The following HAT1 variants were observed in gnomAD, a reference collection of about 807,000 sequenced individuals.
HAT1 encodes histone acetyltransferase type B catalytic subunit.
Under a neutral mutation model 56.6 loss-of-function variants are expected in HAT1, and 20 were observed. The observed-to-expected ratio is 0.35, with a 90% CI of 0.25 to 0.51. The LOEUF is 0.51. HAT1 is among the 20% of genes least tolerant of loss of function. The pLI, the probability that HAT1 is intolerant of heterozygous loss-of-function variation, is 0.95. For missense variants in HAT1, 408 were observed against 504.3 expected, an observed-to-expected ratio of 0.81 and a Z score of 1.83; for synonymous variants, 146 against 165.5, an observed-to-expected ratio of 0.88 and a Z score of 0.91.
In HAT1 at chr2:171,960,895, G is replaced by A. The variant is rs1331525308; in HGVS notation, c.310-4443G>A. ...GGTGGCTCAAACCTGTAATCCCAGC[G>A]CTTTGGGAGGCCGAGGTGGACAGGT... On this transcript the variant is annotated intron_variant, in intron 4 of 10. Transcript: ENST00000264108. Among the ~76,000 whole-genome samples the A allele has an allele frequency of 2.6e-5, 4 of 151,678 alleles. No individual in the cohort carries two copies. The South Asian group carries it at 6.2e-4, about 24-fold the overall frequency.
intron 2 of HAT1, 89 bp from the exon 3 acceptor site, chr2:171,946,619 T>G (rs1168673123): frequency 1.3e-6 from 1 of 775,140 alleles, no homozygotes; most frequent in East Asian, 2.5e-5. Flanking sequence ...GTATCCTAGT[T>G]ATACTGAAAC....
chr2:171,943,726 C>CATATATATATATATATAT (rs141557606), intron 2 of HAT1, among the ~76,000 whole-genome samples: 1 of 142,994 alleles, frequency 7.0e-6, no homozygotes, highest in Non-Finnish European at 1.5e-5. Context: ...TATGGACATT[C>CATATATATATATATATAT]ATATATATAT....
chr2:171,983,191 C>A lies in HAT1; in HGVS notation c.1099C>A (p.Gln367Lys). The A allele has an allele frequency of 6.5e-7, 1 of 1,545,700 alleles. No individual in the cohort carries two copies. The highest frequency in any genetic ancestry group is 2.0e-5 in the Admixed American group (1 of 49,190). ...RRLISPYKKKQRDLAKMRKCL... is the reference protein window; with the variant it reads ...RRLISPYKKKKRDLAKMRKCL... ...ATAATTGTTTGTCACTTAGAAAAAG[C>A]AGAGAGATCTTGCTAAGATGAGAAA... Residue 367 changes from glutamine (Q) to lysine (K), a missense_variant, in exon 11 of 11, where the codon CAG (glutamine) becomes AAG (lysine). Coordinates refer to ENST00000264108, the MANE Select transcript of HAT1 (RefSeq NM_003642.4).
At chr2:171,971,424 C>T (rs1025110054) in intron 8 of HAT1, among the ~76,000 whole-genome samples, 14 of 152,198 alleles carry the variant, frequency 9.2e-5, no homozygotes, top group Admixed American at 9.2e-4. Context: ...TCCTTCCCTA[C>T]ACCCGACGTC....
At chr2:171,945,683 T>A (rs777289253) in intron 2 of HAT1, among the ~76,000 whole-genome samples, 5 of 151,802 alleles carry the variant, frequency 3.3e-5, no homozygotes, top group Non-Finnish European at 5.9e-5. Flanking sequence ...TTATTTATTT[T>A]TTTGAGAGAG....
chr2:171,941,022 G>A (rs941151908), intron 2 of HAT1, among the ~76,000 whole-genome samples: 12 of 152,072 alleles, frequency 7.9e-5, no homozygotes, highest in Non-Finnish European at 7.4e-5. Flanking sequence ...GATGGAAGTC[G>A]CAAATAAAAT....
chr2:171,933,440 A>G (rs1385276436), intron 2 of HAT1, among the ~76,000 whole-genome samples: 1 of 151,832 alleles, frequency 6.6e-6, no homozygotes, highest in Admixed American at 6.6e-5. Context: ...TAATACTAGC[A>G]TTAATGTTAT....
chr2:171,974,209 A>AAAAAAAAAAAAAAAAAATAAAAAG (rs1687904649), intron 8 of HAT1, among the ~76,000 whole-genome samples: 1 of 66,014 alleles, frequency 1.5e-5, no homozygotes, highest in Non-Finnish European at 3.3e-5. Context: ...AAGAAAAAGA[A>AAAAAAAAAAAAAAAAAATAAAAAG]AAAAAAAAAA....
In HAT1 at chr2:171,926,176, G is replaced by A. The variant is rs560051638; in HGVS notation, c.112+535G>A. ...TCTATCACCCAGGCTGTAGTGCCAC[G>A]GCATGGTCATAGCTCACTGCTGCCT... On this transcript the variant is annotated intron_variant, in intron 2 of 10. Coordinates refer to ENST00000264108, the MANE Select transcript of HAT1 (RefSeq NM_003642.4). Among the ~76,000 whole-genome samples, 125 of 151,716 alleles carry A rather than the reference G, an allele frequency of 8.2e-4. 1 individual carries two copies. Among genetic ancestry groups the A allele is most frequent in the Non-Finnish European group, 1.3e-3 (89 of 67,994 alleles).
intron 8 of HAT1, among the ~76,000 whole-genome samples, chr2:171,972,244 GTTTTTT>G (rs572188174): frequency 2.0e-4 from 27 of 137,578 alleles, no homozygotes; most frequent in Non-Finnish European, 4.0e-4. Flanking sequence ...TGTTTTTGTT[GTTTTTT>G]TTTTTGTTTT....
intron 3 of HAT1, among the ~76,000 whole-genome samples, chr2:171,947,693 A>G (rs1687203830): frequency 6.6e-6 from 1 of 152,212 alleles, no homozygotes; most frequent in South Asian, 2.1e-4. Context: ...GGCCTGGCTA[A>G]TATGGTGAAA....
intron 8 of HAT1, among the ~76,000 whole-genome samples, chr2:171,971,392 T>A (rs1687813756): frequency 6.6e-6 from 1 of 152,134 alleles, no homozygotes. Context: ...AAAAGATCCT[T>A]CGTGTCCATT....
At chr2:171,969,203 G>C (rs1276795912) in intron 8 of HAT1, among the ~76,000 whole-genome samples, 1 of 152,122 alleles carries the variant, frequency 6.6e-6, no homozygotes, top group African/African-American at 2.4e-5. Flanking sequence ...GTTGCATTTG[G>C]CAATAGAAAT....
intron 4 of HAT1, among the ~76,000 whole-genome samples, chr2:171,963,330 T>C (rs1687616349): frequency 1.3e-5 from 2 of 152,012 alleles, no homozygotes; most frequent in African/African-American, 4.8e-5. Context: ...TTTGAAGATA[T>C]TTATTACAGG....
intron 1 of HAT1, 111 bp from the exon 2 acceptor site, chr2:171,925,426 T>A: frequency 1.7e-6 from 1 of 603,744 alleles, no homozygotes; most frequent in South Asian, 2.0e-5. Context: ...GCTTTTATGA[T>A]CTATCAGCAT....
intron 9 of HAT1, among the ~76,000 whole-genome samples, chr2:171,977,930 C>T (rs554634060): frequency 1.3e-5 from 2 of 152,140 alleles, no homozygotes; most frequent in African/African-American, 4.8e-5. Flanking sequence ...AACTCCCTGC[C>T]CAAATAAATA....
At chr2:171,962,963 T>C (rs1300609943) in intron 4 of HAT1, among the ~76,000 whole-genome samples, 2 of 152,222 alleles carry the variant, frequency 1.3e-5, no homozygotes, top group East Asian at 3.9e-4. Flanking sequence ...TATTATCTGA[T>C]CAGTAATCCA....
chr2:171,979,389 C>G (rs953394565), intron 10 of HAT1, 26 bp downstream of exon 10: 1 of 1,057,992 alleles, frequency 9.5e-7, no homozygotes, highest in African/African-American at 1.6e-5. Context: ...ATCTTAAACA[C>G]TGTATTCTTT....
intron 2 of HAT1, among the ~76,000 whole-genome samples, chr2:171,943,359 C>T (rs1558967464): frequency 8.3e-6 from 1 of 120,046 alleles, no homozygotes; most frequent in African/African-American, 3.3e-5. Flanking sequence ...TGCAGTGAGC[C>T]GAGATCATGC....
Sources: gnomAD v4.1 joint callset for allele counts (sites outside exome capture counted in the v4.1 genomes callset) on GRCh38, gnomAD v4.1.1 for gene constraint, MANE v1.5 for transcripts, NCBI Gene and HGNC (gene_info 2026-07-23, HGNC 2026-07-21) for gene names.